Variants in TTLL7 observed in about 807,000 individuals in gnomAD.
TTLL7 encodes the protein tubulin polyglutamylase TTLL7.
TTLL7 carries 53 observed loss-of-function variants against 120.2 expected under a neutral mutation model. The observed-to-expected ratio is 0.44, with a 90% CI of 0.35 to 0.55. TTLL7 has a LOEUF of 0.55. Ranked by LOEUF, TTLL7 falls within the 20% of genes least tolerant of loss-of-function variation. The pLI, the probability that TTLL7 is intolerant of heterozygous loss-of-function variation, is 0.00. For missense variants in TTLL7, 803 were observed against 1,054.7 expected, an observed-to-expected ratio of 0.76 and a Z score of 3.31; for synonymous variants, 353 against 351.7, an observed-to-expected ratio of 1.00 and a Z score of -0.04.
intron 18 of TTLL7, among the ~76,000 whole-genome samples, chr1:83,896,638 T>C (rs967866166): frequency 5.9e-5 from 9 of 151,870 alleles, no homozygotes; most frequent in East Asian, 3.9e-4. Flanking sequence ...AGACGGAAAA[T>C]AGTATCATCA....
chr1:83,958,896 G>C (rs1649772295), intron 1 of TTLL7, among the ~76,000 whole-genome samples: 1 of 152,148 alleles, frequency 6.6e-6, no homozygotes, highest in Admixed American at 6.5e-5. Context: ...TTTCTGACAA[G>C]CTCCTAGGTA....
chr1:83,980,771 A>T (rs1651883840), intron 1 of TTLL7: 1 of 152,204 alleles, frequency 6.6e-6, no homozygotes, highest in Admixed American at 6.5e-5. Flanking sequence ...ATAATATTTT[A>T]TGGAAAAAGC....
At chr1:83,903,631 C>T (rs1656926490) in intron 18 of TTLL7, among the ~76,000 whole-genome samples, 1 of 151,986 alleles carries the variant, frequency 6.6e-6, no homozygotes, top group Admixed American at 6.6e-5. Flanking sequence ...ATATCTAATA[C>T]AATGTAAATT....
At chr1:83,916,175 T>C (rs925652053) in intron 14 of TTLL7, among the ~76,000 whole-genome samples, 8 of 152,260 alleles carry the variant, frequency 5.3e-5, no homozygotes, top group African/African-American at 1.9e-4. Flanking sequence ...CATGCTGCTA[T>C]AAAGACACAT....
chr1:83,949,853 T>TTAATTTCC lies in TTLL7; in HGVS notation c.279+4_279+11dup. 6.2e-7 allele frequency: 1 copy of TTAATTTCC among 1,613,132 alleles called. No individual in the cohort carries two copies. Among genetic ancestry groups the TTAATTTCC allele is most frequent in the Non-Finnish European group, 8.5e-7 (1 of 1,179,834 alleles). The stretch of plus-strand genomic sequence containing the variant: ...TCCTCATACCACTAACTGGTCATGA[T>TTAATTTCC]TAATTTCCTACCTGATAATTTTGCA... On this transcript the variant is annotated intron_variant, in intron 4 of 20. Transcript: ENST00000260505.
intron 4 of TTLL7, chr1:83,949,040 T>C (rs1648777100): frequency 5.8e-6 from 1 of 171,726 alleles, no homozygotes; most frequent in African/African-American, 2.4e-5. Context: ...AAATGACTTA[T>C]TTGTTCACTA....
rs1648078854 is a variant in TTLL7 at position 83,942,545 on chromosome 1, T to C, written c.641A>G (p.Asp214Gly). 1 of 1,614,062 alleles carries C rather than the reference T, an allele frequency of 6.2e-7. No individual in the cohort carries two copies. Among genetic ancestry groups the C allele is most frequent in the Non-Finnish European group, 8.5e-7 (1 of 1,179,960 alleles). Residue 214 changes from aspartate to glycine, a missense_variant, in exon 7 of 21, where the codon GAT (aspartate) becomes GGT (glycine). Asp to Gly is a moderately conservative substitution (Grantham distance 94, BLOSUM62 -1). Around this residue, in one of 3 missense-constraint regions of TTLL7, gnomAD observed 324 missense variants for 507.7 expected, o/e 0.64. Transcript: ENST00000260505. ...ATGGTAGAGAAATATTTTTAGTGGA[T>C]CACACGATGTAACCAGAATATAAAT... ...LRIYILVTSC[D>G]PLKIFLYHDG...
chr1:83,915,949 T>C (rs904428941), intron 14 of TTLL7, among the ~76,000 whole-genome samples: 2 of 152,200 alleles, frequency 1.3e-5, no homozygotes, highest in Non-Finnish European at 2.9e-5. Flanking sequence ...AGATACCATC[T>C]CACACCAGTT....
chr1:83,908,415 C>A, intron 15 of TTLL7, among the ~76,000 whole-genome samples: 1 of 151,912 alleles, frequency 6.6e-6, no homozygotes. Flanking sequence ...AAGAGTAGTA[C>A]TGAACAGAGA....
chr1:83,979,441 T>A (rs1651774125), intron 1 of TTLL7: 1 of 152,042 alleles, frequency 6.6e-6, no homozygotes. Context: ...GGTTCTAGAG[T>A]AGGGATTTTA....
chr1:83,939,869 C>T (rs1244159937), intron 7 of TTLL7, among the ~76,000 whole-genome samples: 1 of 152,078 alleles, frequency 6.6e-6, no homozygotes, highest in Non-Finnish European at 1.5e-5. Flanking sequence ...TAGTAAGCTG[C>T]CGTCCAGAAA....
chr1:83,869,815 G>T lies in TTLL7; in HGVS notation c.*147C>A. On this transcript the variant is annotated 3_prime_UTR_variant, in exon 21 of 21. Transcript: ENST00000260505. ...TTAATATAATAAATATATGTTATTA[G>T]GGTGCATATGTGCATATATTTTCAC... is the stretch of plus-strand genomic sequence containing the variant. 3.4e-6 allele frequency: 2 copies of T among 589,162 alleles called. No individual in the cohort carries two copies. The highest frequency in any genetic ancestry group is 5.4e-6 in the Non-Finnish European group (2 of 371,592). The allele number at this position is 589,162 out of a possible 1,614,324, so 36.5% of individuals were successfully genotyped here.
At chr1:83,975,080 TA>T (rs1651341505) in intron 1 of TTLL7, among the ~76,000 whole-genome samples, 1 of 152,112 alleles carries the variant, frequency 6.6e-6, no homozygotes, top group Non-Finnish European at 1.5e-5. Flanking sequence ...GCCTATTACA[TA>T]GTGAGCATTA....
chr1:83,991,387 T>C (rs894077413), intron 1 of TTLL7, among the ~76,000 whole-genome samples: 2 of 152,344 alleles, frequency 1.3e-5, no homozygotes, highest in African/African-American at 4.8e-5. Flanking sequence ...GGTTCACACC[T>C]GTAATCCCTG....
chr1:83,950,086 A>C, intron 3 of TTLL7, 100 bp from the exon 4 acceptor site: 2 of 1,081,036 alleles, frequency 1.9e-6, no homozygotes, highest in Non-Finnish European at 2.6e-6. Flanking sequence ...ATAGTATTTC[A>C]TTTGAAAAAT....
intron 12 of TTLL7, among the ~76,000 whole-genome samples, 184 bp from the exon 13 acceptor site, chr1:83,920,018 T>C (rs1465679445): frequency 6.6e-6 from 1 of 152,188 alleles, no homozygotes; most frequent in African/African-American, 2.4e-5. Flanking sequence ...AGAAAACTGA[T>C]AACTGGCCTA....
At chr1:83,953,813 C>T (rs1295233811) in intron 1 of TTLL7, among the ~76,000 whole-genome samples, 2 of 152,080 alleles carry the variant, frequency 1.3e-5, no homozygotes. Context: ...AGACCCCATG[C>T]TAACATAATA....
At chr1:83,987,959 G>A (rs1388276078) in intron 1 of TTLL7, among the ~76,000 whole-genome samples, 1 of 152,154 alleles carries the variant, frequency 6.6e-6, no homozygotes, top group African/African-American at 2.4e-5. Context: ...GCTGAGGTTT[G>A]GGGTATAATT....
intron 1 of TTLL7, among the ~76,000 whole-genome samples, chr1:83,973,126 T>C (rs189700600): frequency 5.9e-5 from 9 of 152,190 alleles, no homozygotes; most frequent in Non-Finnish European, 7.4e-5. Context: ...TTTGGTGTTA[T>C]AGTTAAAATG....
Sources: gnomAD v4.1 joint callset for allele counts (sites outside exome capture counted in the v4.1 genomes callset) on GRCh38, gnomAD v4.1.1 for gene constraint, gnomAD v4.1.1 regional missense constraint, MANE v1.5 for transcripts, NCBI Gene and HGNC (gene_info 2026-07-23, HGNC 2026-07-21) for gene names.